The following NEMP2 variants were observed in gnomAD, a reference collection of about 807,000 sequenced individuals.
NEMP2 encodes the protein UPF0571 transmembrane protein.
NEMP2 carries 53 observed loss-of-function variants against 54.2 expected under a neutral mutation model. The observed-to-expected ratio is 0.98, with a 90% CI of 0.78 to 1.23. The LOEUF (loss-of-function observed/expected upper bound fraction) is 1.23, where lower values mean the gene tolerates loss of function less well. Ranked by LOEUF, NEMP2 falls within the 50% of genes most tolerant of loss-of-function variation. The probability of loss-of-function intolerance (pLI) is 0.00; values close to 1 mark genes in which losing one functional copy is unlikely to be tolerated. For synonymous variants in NEMP2, 197 were observed against 190.3 expected (o/e 1.04, Z -0.29); for missense variants, 455 against 511.3 (o/e 0.89, Z 1.06).
the NEMP2 span, among the ~76,000 whole-genome samples, chr2:190,440,782 A>G: frequency 2.0e-5 from 3 of 152,226 alleles, no homozygotes; most frequent in Non-Finnish European, 4.4e-5. Context: ...ATTACCTATT[A>G]TTAGCCATCA....
the NEMP2 span, among the ~76,000 whole-genome samples, chr2:190,557,163 A>G: frequency 3.9e-5 from 6 of 152,238 alleles, no homozygotes; most frequent in African/African-American, 7.2e-5. Context: ...GGCCCCAGAA[A>G]TAATGCCACA....
At chr2:190,449,271 C>G in the NEMP2 span, among the ~76,000 whole-genome samples, 4 of 151,958 alleles carry the variant, frequency 2.6e-5, no homozygotes, top group Non-Finnish European at 4.4e-5. Context: ...GTCAGGAGTT[C>G]AAGACCAGCC....
chr2:190,425,875 T>TA, the NEMP2 span, among the ~76,000 whole-genome samples: 2 of 152,064 alleles, frequency 1.3e-5, no homozygotes, highest in African/African-American at 4.8e-5. This position sits in a 1 kb window ranked among gnomAD's most constrained non-coding sequence, Gnocchi z 4.3. Flanking sequence ...TTTTAGCACT[T>TA]AAAAAAAATT....
intron 1 of NEMP2, among the ~76,000 whole-genome samples, chr2:190,532,483 G>A (rs890854102): frequency 6.6e-6 from 1 of 152,174 alleles, no homozygotes; most frequent in African/African-American, 2.4e-5. Flanking sequence ...ATGGTTTCTA[G>A]GGACCTCACT....
At chr2:190,639,643 TTTTTTGTTTTTTG>T in the NEMP2 span, among the ~76,000 whole-genome samples, 2 of 151,580 alleles carry the variant, frequency 1.3e-5, no homozygotes, top group East Asian at 1.9e-4. Context: ...TGAGTTTTTT[TTTTTTGTTTTTTG>T]TTTTTGTTTT....
At chr2:190,455,255 ATTACTATTAAG>A in the NEMP2 span, among the ~76,000 whole-genome samples, 1 of 146,712 alleles carries the variant, frequency 6.8e-6, no homozygotes, top group African/African-American at 2.6e-5. Flanking sequence ...GACTTTCATT[ATTACTATTAAG>A]TTATTCATAG....
the NEMP2 span, among the ~76,000 whole-genome samples, chr2:190,546,576 T>A: frequency 6.6e-6 from 1 of 152,172 alleles, no homozygotes; most frequent in Non-Finnish European, 1.5e-5. This position sits in a 1 kb window ranked among gnomAD's most constrained non-coding sequence, Gnocchi z 5.1. Context: ...ATTAGATATA[T>A]TTTTGCTTAC....
chr2:190,508,002 T>A lies in NEMP2; in HGVS notation c.*1187A>T, dbSNP rs1690234952. The stretch of plus-strand genomic sequence containing the variant: ...TTTCCTCAGATCTATGTTTTGGCCT[T>A]CTTTCCTCAGGGTCAAAGCTCATAG... On this transcript the variant is annotated 3_prime_UTR_variant, in exon 9 of 9. Transcript: ENST00000409150. The surrounding 1 kb of genome is among the most constrained non-coding windows in gnomAD (Gnocchi z 4.3). 1 of 152,236 alleles carries A rather than the reference T, an allele frequency of 6.6e-6. No individual in the cohort carries two copies. The highest frequency in any genetic ancestry group is 6.5e-5 in the Admixed American group (1 of 15,278). The allele number at this position is 152,236 out of a possible 1,614,324, so 9.4% of individuals were successfully genotyped here.
chr2:190,547,053 T>C, the NEMP2 span, among the ~76,000 whole-genome samples: 1 of 152,224 alleles, frequency 6.6e-6, no homozygotes, highest in Non-Finnish European at 1.5e-5. The surrounding 1 kb of genome is among the most constrained non-coding windows in gnomAD (Gnocchi z 6.2). Context: ...ATCTCTTGAA[T>C]GGGGAAGAAA....
At chr2:190,491,915 C>A in the NEMP2 span, among the ~76,000 whole-genome samples, 1 of 151,986 alleles carries the variant, frequency 6.6e-6, no homozygotes, top group Non-Finnish European at 1.5e-5. This position sits in a 1 kb window ranked among gnomAD's most constrained non-coding sequence, Gnocchi z 4.2. Context: ...AAAAATGATA[C>A]AAGAAGTGAG....
Position 190,514,747 on chromosome 2 carries a change from G to C in NEMP2, c.728-69C>G, listed in dbSNP as rs1305943459. On this transcript the variant is annotated intron_variant, in intron 6 of 8. Transcript: ENST00000409150. The surrounding 1 kb of genome is among the most constrained non-coding windows in gnomAD (Gnocchi z 5.7). Reference sequence around the variant, plus strand: ...GACATTATGTGAAAAACCTGGCAGAGCCTTGACTTAAAGGTAAAAACTATT... The same window carrying C: ...GACATTATGTGAAAAACCTGGCAGACCCTTGACTTAAAGGTAAAAACTATT... The C allele has an allele frequency of 7.1e-7, 1 of 1,417,162 alleles. No individual in the cohort carries two copies. The highest frequency in any genetic ancestry group is 1.3e-5 in the South Asian group (1 of 78,832). The allele number at this position is 1,417,162 out of a possible 1,614,324, so 87.8% of individuals were successfully genotyped here. A position where few individuals can be genotyped will look rare whatever the true frequency, so the allele number is the denominator to read the frequency against.
the NEMP2 span, among the ~76,000 whole-genome samples, chr2:190,603,348 G>A: frequency 0.021 from 3,258 of 151,962 alleles, 116 homozygotes; most frequent in African/African-American, 0.073. Context: ...AGAGATTTTT[G>A]AATAATTTAG....
Position 190,519,145 on chromosome 2 carries a change from A to G in NEMP2, c.252T>C (p.Tyr84=). Residue 84 remains tyrosine, a synonymous_variant, in exon 3 of 9, where the codon TAT becomes TAC. Coordinates refer to ENST00000409150, the MANE Select transcript of NEMP2 (RefSeq NM_001142645.2). The surrounding 1 kb of genome is among the most constrained non-coding windows in gnomAD (Gnocchi z 5.4). ...ITSPGLFRIV[Y]IAERHNCQYP... Reference sequence around the variant, plus strand: ...ATTGGCAATTATGTCTTTCTGCGATATATACAATTCTGAACAGGCCTGGAC... The same window carrying G: ...ATTGGCAATTATGTCTTTCTGCGATGTATACAATTCTGAACAGGCCTGGAC... 7 of 1,550,434 alleles carry G rather than the reference A, an allele frequency of 4.5e-6. No homozygotes were observed. The highest frequency in any genetic ancestry group is 6.1e-6 in the Non-Finnish European group (7 of 1,146,950).
chr2:190,540,319 T>C, the NEMP2 span, among the ~76,000 whole-genome samples: 2 of 151,588 alleles, frequency 1.3e-5, no homozygotes, highest in African/African-American at 4.9e-5. Flanking sequence ...CACCTCACTT[T>C]ATCACCCATA....
In NEMP2 at chr2:190,529,620, C is replaced by T. The variant is rs1347202341; in HGVS notation, c.98-4242G>A. On this transcript the variant is annotated intron_variant, in intron 1 of 8. Coordinates refer to ENST00000409150, the MANE Select transcript of NEMP2 (RefSeq NM_001142645.2). This position sits in a 1 kb window ranked among gnomAD's most constrained non-coding sequence, Gnocchi z 4.7. The stretch of plus-strand genomic sequence containing the variant: ...CTCTGTCTCTCCATGAAGTCAGGGA[C>T]ATTGCATGTTTATCACTGTAACCCC... 2.0e-5 allele frequency among the ~76,000 whole-genome samples: 3 copies of T among 152,170 alleles called. No homozygotes were observed. The highest frequency in any genetic ancestry group is 2.0e-4 in the Admixed American group (3 of 15,274).
At chr2:190,478,080 C>T in the NEMP2 span, among the ~76,000 whole-genome samples, 1 of 152,184 alleles carries the variant, frequency 6.6e-6, no homozygotes, top group Admixed American at 6.5e-5. Context: ...TTTTATAATA[C>T]TTGTATGCAC....
At chr2:190,434,382 T>G in the NEMP2 span, among the ~76,000 whole-genome samples, 33 of 152,262 alleles carry the variant, frequency 2.2e-4, no homozygotes, top group Non-Finnish European at 1.5e-5. This position sits in a 1 kb window ranked among gnomAD's most constrained non-coding sequence, Gnocchi z 4.3. Context: ...TCCTATAAAT[T>G]TATATAAATG....
Position 190,516,285 on chromosome 2 carries a change from T to C in NEMP2, c.712A>G (p.Arg238Gly). 1 of 1,550,482 alleles carries C rather than the reference T, an allele frequency of 6.4e-7. No individual in the cohort carries two copies. ...ATTTACCTACCTAATACATATATCC[T>C]GTTTTCATACCACAGCCACTTCAGA... ...EDLKWLWYEN[R>G]IYVLGYVLIV... The change falls in exon 6 of 9, where the codon AGG becomes GGG. Residue 238 changes from arginine to glycine, a missense_variant. Around this residue, in one of 3 missense-constraint regions of NEMP2, gnomAD observed 294 missense variants for 333.6 expected, o/e 0.88. Transcript: ENST00000409150.
the NEMP2 span, among the ~76,000 whole-genome samples, chr2:190,430,154 T>C: frequency 2.0e-5 from 3 of 152,056 alleles, no homozygotes; most frequent in Non-Finnish European, 2.9e-5. Context: ...GCTTCATCCA[T>C]GTCCCTGCAA....
Sources: gnomAD v4.1 joint callset for allele counts (sites outside exome capture counted in the v4.1 genomes callset) on GRCh38, gnomAD v4.1.1 for gene constraint, gnomAD v4.1.1 regional missense constraint, Gnocchi (gnomAD v3.1) non-coding constraint, MANE v1.5 for transcripts, NCBI Gene and HGNC (gene_info 2026-07-23, HGNC 2026-07-21) for gene names.